ERGIC1: variants seen among roughly 807,000 people sequenced by gnomAD.
The protein encoded by ERGIC1 is endoplasmic reticulum-golgi intermediate compartment 1.
In ERGIC1, 19 loss-of-function variants were observed where a neutral mutation model predicts 38.3. The observed-to-expected ratio is 0.50, with a 90% CI of 0.35 to 0.73. ERGIC1 has a LOEUF of 0.73. ERGIC1 is among the 30% of genes least tolerant of loss of function. ERGIC1 has a pLI of 0.01. For missense variants in ERGIC1, 294 were observed against 389.2 expected, an observed-to-expected ratio of 0.76 and a Z score of 2.06; for synonymous variants, 124 against 157.6, an observed-to-expected ratio of 0.79 and a Z score of 1.60.
In ERGIC1 at chr5:172,845,830, C is replaced by A. The variant is rs1761271133; in HGVS notation, c.20+11397C>A. Among the ~76,000 whole-genome samples, 3 of 152,166 alleles carry A rather than the reference C, an allele frequency of 2.0e-5. No individual in the cohort carries two copies. The South Asian group carries it at 6.2e-4, about 32-fold the overall frequency. ...ACTCTGGGCTCTATTTGGATTTTGC[C>A]CATTTTCCACTGATGTCCTCATGGC... On this transcript the variant is annotated intron_variant, in intron 1 of 9. Coordinates refer to ENST00000393784, the MANE Select transcript of ERGIC1 (RefSeq NM_001031711.3).
chr5:172,909,502 C>T (rs1021945183), intron 3 of ERGIC1, among the ~76,000 whole-genome samples, 165 bp from the exon 4 acceptor site: 2 of 152,150 alleles, frequency 1.3e-5, no homozygotes, highest in Admixed American at 6.5e-5. Flanking sequence ...TTGAAGAGTG[C>T]AGCCTAGACC....
chr5:172,917,239 C>T (rs1028939082), intron 5 of ERGIC1: 1 of 152,338 alleles, frequency 6.6e-6, no homozygotes, highest in African/African-American at 2.4e-5. Context: ...TAGGGCTGGG[C>T]ACTGGTCATT....
intron 9 of ERGIC1, 21 bp downstream of exon 9, chr5:172,935,331 G>T (rs772304759): frequency 5.0e-6 from 8 of 1,613,790 alleles, no homozygotes; most frequent in Non-Finnish European, 6.8e-6. Flanking sequence ...TGGGGCAGTG[G>T]GTGGGGCCCT....
chr5:172,929,690 G>C (rs928637350), intron 7 of ERGIC1, among the ~76,000 whole-genome samples: 1 of 152,194 alleles, frequency 6.6e-6, no homozygotes. Context: ...CCAGCCATAG[G>C]GGGTTGACTG....
intron 9 of ERGIC1, among the ~76,000 whole-genome samples, chr5:172,939,695 G>T (rs747825525): frequency 6.6e-6 from 1 of 152,244 alleles, no homozygotes; most frequent in African/African-American, 2.4e-5. Context: ...TCATTAGCCT[G>T]GTGGTTCTTC....
chr5:172,871,915 C>T (rs953465620), intron 1 of ERGIC1, among the ~76,000 whole-genome samples: 13 of 152,320 alleles, frequency 8.5e-5, no homozygotes, highest in African/African-American at 2.9e-4. Flanking sequence ...CACCAACTAG[C>T]CTCTCAGCCA....
intron 8 of ERGIC1, 34 bp downstream of exon 8, chr5:172,932,570 G>A: frequency 3.1e-6 from 5 of 1,600,742 alleles, no homozygotes; most frequent in East Asian, 2.2e-5. Context: ...AGCTGTGTGC[G>A]GCGGCGCCCT....
intron 1 of ERGIC1, among the ~76,000 whole-genome samples, chr5:172,868,229 A>G (rs1450362762): frequency 6.6e-6 from 1 of 152,222 alleles, no homozygotes; most frequent in African/African-American, 2.4e-5. Flanking sequence ...TTACAGATGT[A>G]AAACACTGGC....
intron 1 of ERGIC1, chr5:172,867,420 CT>C: frequency 2.5e-6 from 1 of 395,488 alleles, no homozygotes; most frequent in Non-Finnish European, 5.2e-6. Flanking sequence ...CTGCCCGTAA[CT>C]TTTCCCTGTC....
At chr5:172,941,494 C>T (rs553344014) in intron 9 of ERGIC1, among the ~76,000 whole-genome samples, 9 of 152,226 alleles carry the variant, frequency 5.9e-5, no homozygotes, top group East Asian at 1.9e-4. Context: ...TGGCAAGGCT[C>T]GGACCTGACC....
chr5:172,845,116 T>C (rs1761255173), intron 1 of ERGIC1, among the ~76,000 whole-genome samples: 1 of 152,148 alleles, frequency 6.6e-6, no homozygotes, highest in South Asian at 2.1e-4. Flanking sequence ...CCTGTCTCTG[T>C]GCCAAAGCTG....
At chr5:172,863,021 A>T (rs183970942) in intron 1 of ERGIC1, among the ~76,000 whole-genome samples, 43 of 152,288 alleles carry the variant, frequency 2.8e-4, no homozygotes, top group African/African-American at 1.0e-3. Context: ...TCCCTCTGTC[A>T]CCCAGGCTGG....
intron 2 of ERGIC1, among the ~76,000 whole-genome samples, chr5:172,893,880 T>TAC (rs1477423267): frequency 0.25 from 3,952 of 16,018 alleles, 575 homozygotes; most frequent in African/African-American, 0.35. Flanking sequence ...TATATATATA[T>TAC]ATATATATAT....
At chr5:172,904,015 T>A (rs906436936) in intron 3 of ERGIC1, among the ~76,000 whole-genome samples, 35 of 145,704 alleles carry the variant, frequency 2.4e-4, no homozygotes, top group Non-Finnish European at 3.8e-4. Flanking sequence ...ATACACACAC[T>A]CACTCACTCT....
Position 172,834,586 on chromosome 5 carries a change from C to CAG in ERGIC1, c.20+153_20+154insAG, listed in dbSNP as rs1554105689. On this transcript the variant is annotated intron_variant, in intron 1 of 9. Coordinates refer to ENST00000393784, the MANE Select transcript of ERGIC1 (RefSeq NM_001031711.3). The surrounding 1 kb of genome is among the most constrained non-coding windows in gnomAD (Gnocchi z 4.1). ...CCCTAGGGACCCCAGGCGAGCCCCC[C>CAG]CCCTGCCGCACACGAAGCCAGCCAG... Among the ~76,000 whole-genome samples the CAG allele has an allele frequency of 7.5e-6, 1 of 133,082 alleles. No homozygotes were observed. The allele number at this position is 133,082 out of a possible 152,430, so 87.3% of individuals were successfully genotyped here.
In ERGIC1 at chr5:172,839,711, T is replaced by A. The variant is rs1199387355; in HGVS notation, c.20+5278T>A. On this transcript the variant is annotated intron_variant, in intron 1 of 9. Transcript: ENST00000393784. ...CAGTATTTCGGGTTTATTGAACATT[T>A]GCTAGTGCCAGGCACTGTTGTAAGG... Among the ~76,000 whole-genome samples the A allele has an allele frequency of 3.3e-5, 5 of 152,238 alleles. No individual in the cohort carries two copies. The South Asian group carries it at 8.3e-4, about 25-fold the overall frequency.
At position 172,935,290 on chromosome 5, in the gene ERGIC1, C is replaced by T; in HGVS notation, c.745C>T (p.Leu249=). 1 of 1,614,162 alleles carries T rather than the reference C, an allele frequency of 6.2e-7. No individual in the cohort carries two copies. The highest frequency in any genetic ancestry group is 1.1e-5 in the South Asian group (1 of 91,082). ...TVKYTERRQP[L]YRFITTICAI... is the part of the protein sequence containing the mutation. ...CAAGTACACAGAGAGACGGCAGCCG[C>T]TGTACAGATTCATCACCACGGTGAG... The change falls in exon 9 of 10, where the codon CTG becomes TTG. Residue 249 remains leucine, a synonymous_variant. Transcript: ENST00000393784.
At chr5:172,903,259 A>G (rs545723420) in intron 3 of ERGIC1, among the ~76,000 whole-genome samples, 6 of 152,168 alleles carry the variant, frequency 3.9e-5, no homozygotes, top group African/African-American at 1.4e-4. Context: ...GGAGTGGGAG[A>G]GGCTTGTGGG....
intron 5 of ERGIC1, chr5:172,915,327 T>G (rs1322624968): frequency 1.0e-5 from 5 of 491,754 alleles, no homozygotes. Context: ...GGTGATAGGC[T>G]CTGGGGCAGC....
Sources: allele counts gnomAD v4.1 joint callset (sites outside exome capture counted in the v4.1 genomes callset), GRCh38; gene constraint gnomAD v4.1.1; non-coding constraint Gnocchi (gnomAD v3.1); transcripts MANE v1.5; gene names NCBI Gene and HGNC (gene_info 2026-07-23, HGNC 2026-07-21).